The following SH3GL2 variants were observed in gnomAD, a reference collection of about 807,000 sequenced individuals.
SH3GL2 encodes the protein endophilin-A1.
In SH3GL2, 24 loss-of-function variants were observed where a neutral mutation model predicts 46.0. That is an observed-to-expected ratio of 0.52 (90% CI 0.38 to 0.73). The LOEUF is 0.73. Among genes scored for constraint, SH3GL2 ranks in the 30% least tolerant of loss-of-function variants. SH3GL2 has a pLI of 0.00. For synonymous variants in SH3GL2, 196 were observed against 147.1 expected, an observed-to-expected ratio of 1.33 and a Z score of -2.40; for missense variants, 413 against 424.2, an observed-to-expected ratio of 0.97 and a Z score of 0.23.
chr9:17,718,042 C>T (rs371312599), intron 1 of SH3GL2, among the ~76,000 whole-genome samples: 2 of 152,164 alleles, frequency 1.3e-5, no homozygotes, highest in East Asian at 3.9e-4. Flanking sequence ...ACAACTTGTA[C>T]CCAGTGAATT....
intron 3 of SH3GL2, among the ~76,000 whole-genome samples, chr9:17,774,334 G>A (rs1823579125): frequency 6.6e-6 from 1 of 152,104 alleles, no homozygotes; most frequent in African/African-American, 2.4e-5. Context: ...TTGAATAGAT[G>A]TGGTCACAGT....
chr9:17,600,145 G>C (rs960944518), intron 1 of SH3GL2, among the ~76,000 whole-genome samples: 7 of 152,270 alleles, frequency 4.6e-5, no homozygotes, highest in African/African-American at 1.7e-4. Flanking sequence ...AAAAGTACCT[G>C]GGTGCAGAAG....
At chr9:17,699,493 A>G (rs985438405) in intron 1 of SH3GL2, among the ~76,000 whole-genome samples, 1 of 152,146 alleles carries the variant, frequency 6.6e-6, no homozygotes, top group African/African-American at 2.4e-5. Context: ...ACGTGTGTAC[A>G]GTCTAGAAAG....
intron 1 of SH3GL2, among the ~76,000 whole-genome samples, chr9:17,728,476 A>G (rs138194554): frequency 2.0e-5 from 3 of 151,918 alleles, no homozygotes; most frequent in African/African-American, 7.2e-5. Context: ...TTATGTATGT[A>G]TGTATTTATT....
chr9:17,678,763 A>G (rs1563808682), intron 1 of SH3GL2, among the ~76,000 whole-genome samples: 1 of 152,168 alleles, frequency 6.6e-6, no homozygotes, highest in Non-Finnish European at 1.5e-5. Context: ...TTATGGTTTT[A>G]GGTCTAACAT....
At chr9:17,679,773 A>C (rs1362320218) in intron 1 of SH3GL2, among the ~76,000 whole-genome samples, 1 of 152,040 alleles carries the variant, frequency 6.6e-6, no homozygotes, top group African/African-American at 2.4e-5. Flanking sequence ...GTTTGTGATA[A>C]ATAGCTCTTA....
In SH3GL2 at chr9:17,638,143, C is replaced by A. The variant is rs368145018; in HGVS notation, c.45+58856C>A. On this transcript the variant is annotated intron_variant, in intron 1 of 8. Transcript: ENST00000380607. Reference sequence around the variant, plus strand: ...CTGCACTCCAGCCTGGGCGACAGAGCGAGACTCCCTCTCAAAAAAAAAACA... The same window carrying A: ...CTGCACTCCAGCCTGGGCGACAGAGAGAGACTCCCTCTCAAAAAAAAAACA... 3.1e-3 allele frequency among the ~76,000 whole-genome samples: 449 copies of A among 146,714 alleles called. 1 individual carries two copies. The highest frequency in any genetic ancestry group is 0.011 in the African/African-American group (425 of 39,742).
Position 17,796,072 on chromosome 9 carries a change from C to T in SH3GL2, c.*329C>T, listed in dbSNP as rs1030372785. The T allele has an allele frequency of 8.9e-5, 23 of 259,868 alleles. No individual in the cohort carries two copies. The highest frequency in any genetic ancestry group is 6.6e-4 in the South Asian group (6 of 9,088). 16.1% of individuals were successfully genotyped at this position (259,868 alleles called of 1,614,324 possible). A position where few individuals can be genotyped will look rare whatever the true frequency, so the allele number is the denominator to read the frequency against. ...CCATTTCACAGAAAAACCATCCCAC[C>T]GAAGATATTGTCTATCACCCCAGGG... is the stretch of plus-strand genomic sequence containing the variant. On this transcript the variant is annotated 3_prime_UTR_variant, in exon 9 of 9. Transcript: ENST00000380607.
At chr9:17,624,092 C>T (rs116403478) in intron 1 of SH3GL2, among the ~76,000 whole-genome samples, 3 of 152,210 alleles carry the variant, frequency 2.0e-5, no homozygotes, top group South Asian at 2.1e-4. Context: ...GCATCCTGCC[C>T]GTTAAAAATG....
intron 1 of SH3GL2, among the ~76,000 whole-genome samples, chr9:17,619,390 A>G (rs1819078938): frequency 6.6e-6 from 1 of 152,224 alleles, no homozygotes; most frequent in South Asian, 2.1e-4. Context: ...TTAAAAGAAT[A>G]GGTGAGGTGG....
chr9:17,780,233 A>C (rs1823763693), intron 3 of SH3GL2, among the ~76,000 whole-genome samples: 1 of 152,172 alleles, frequency 6.6e-6, no homozygotes, highest in Non-Finnish European at 1.5e-5. Flanking sequence ...CACAGATCCT[A>C]GCTGCCCTTA....
At chr9:17,652,606 A>T (rs1819982551) in intron 1 of SH3GL2, among the ~76,000 whole-genome samples, 2 of 152,122 alleles carry the variant, frequency 1.3e-5, no homozygotes, top group African/African-American at 4.8e-5. Flanking sequence ...ACTATATATT[A>T]TATAGAGTGA....
chr9:17,615,326 T>C (rs540058118), intron 1 of SH3GL2, among the ~76,000 whole-genome samples: 5 of 152,310 alleles, frequency 3.3e-5, no homozygotes, highest in Admixed American at 1.3e-4. Flanking sequence ...TTAAGATGTA[T>C]ATTCTTTTCA....
intron 1 of SH3GL2, among the ~76,000 whole-genome samples, chr9:17,674,426 C>T (rs1288333957): frequency 6.6e-6 from 1 of 152,168 alleles, no homozygotes; most frequent in East Asian, 1.9e-4. Flanking sequence ...CCCACCATGC[C>T]TGGCTAATTT....
chr9:17,773,397 A>G (rs1823548255), intron 3 of SH3GL2, among the ~76,000 whole-genome samples: 1 of 152,126 alleles, frequency 6.6e-6, no homozygotes, highest in Non-Finnish European at 1.5e-5. Context: ...ATCCAGTGTC[A>G]TGAAGCTTTT....
chr9:17,775,748 G>A (rs908122338), intron 3 of SH3GL2, among the ~76,000 whole-genome samples: 3 of 152,148 alleles, frequency 2.0e-5, no homozygotes, highest in Admixed American at 6.5e-5. Flanking sequence ...CATGTCTTTG[G>A]TCTTCCCTGA....
intron 1 of SH3GL2, among the ~76,000 whole-genome samples, chr9:17,633,642 T>A (rs1245208366): frequency 6.6e-6 from 1 of 152,166 alleles, no homozygotes; most frequent in Non-Finnish European, 1.5e-5. Flanking sequence ...AAATCAGATA[T>A]GTAGGATTCT....
At position 17,579,100 on chromosome 9, in the gene SH3GL2, C is replaced by T; in HGVS notation, c.-143C>T. 2 of 513,210 alleles carry T rather than the reference C, an allele frequency of 3.9e-6. No homozygotes were observed. The highest frequency in any genetic ancestry group is 6.6e-6 in the Non-Finnish European group (2 of 302,474). 31.8% of individuals were successfully genotyped at this position (513,210 alleles called of 1,614,324 possible). ...TTTCTCCGCAAGAGCCCGTGTCCCG[C>T]TAGGCTCCGCGCCCTCGCGCCCATA... On this transcript the variant is annotated 5_prime_UTR_variant, in exon 1 of 9. Coordinates refer to ENST00000380607, the MANE Select transcript of SH3GL2 (RefSeq NM_003026.5).
At chr9:17,750,998 A>C (rs141883161) in intron 2 of SH3GL2, among the ~76,000 whole-genome samples, 5 of 152,194 alleles carry the variant, frequency 3.3e-5, no homozygotes, top group Admixed American at 6.5e-5. Context: ...CGTCTGAGCT[A>C]AATCCTGAAC....
Sources: gnomAD v4.1 joint callset for allele counts (sites outside exome capture counted in the v4.1 genomes callset) on GRCh38, gnomAD v4.1.1 for gene constraint, MANE v1.5 for transcripts, NCBI Gene and HGNC (gene_info 2026-07-23, HGNC 2026-07-21) for gene names.